Variants in TSPAN6 observed in about 807,000 individuals in gnomAD.
TSPAN6 encodes tetraspanin 6.
TSPAN6 carries 13 observed loss-of-function variants against 18.0 expected under a neutral mutation model. That is an observed-to-expected ratio of 0.72 (90% confidence interval 0.47 to 1.15). The LOEUF (loss-of-function observed/expected upper bound fraction) is 1.15. Ranked by LOEUF, TSPAN6 falls within the 50% of genes most tolerant of loss-of-function variation. TSPAN6 has a pLI of 0.00. For synonymous variants in TSPAN6, 82 were observed against 67.0 expected, an observed-to-expected ratio of 1.22 and a Z score of -1.09; for missense variants, 186 against 183.9, an observed-to-expected ratio of 1.01 and a Z score of -0.07.
At chrX:100,631,134 C>T in intron 6 of TSPAN6, among the ~76,000 whole-genome samples, 1 of 111,862 alleles carries the variant, frequency 8.9e-6, no homozygotes, top group Non-Finnish European at 1.9e-5. Flanking sequence ...TTTGAAGAAA[C>T]TTTTCTTACT....
chrX:100,634,275 T>C, intron 3 of TSPAN6, among the ~76,000 whole-genome samples: 1 of 111,384 alleles, frequency 9.0e-6, no homozygotes, highest in Middle Eastern at 4.6e-3. Context: ...AATATGTATT[T>C]ATCTGAGTGG....
At chrX:100,633,823 G>A (rs902518572) in intron 4 of TSPAN6, 108 bp downstream of exon 4, 8 of 571,356 alleles carry the variant, frequency 1.4e-5, no homozygotes, top group African/African-American at 4.8e-5. Context: ...AATGAAACAC[G>A]TCACACTTCT....
chrX:100,632,142 C>A (rs1018271420), intron 6 of TSPAN6: 3 of 185,427 alleles, frequency 1.6e-5, no homozygotes, highest in Non-Finnish European at 3.0e-5. Context: ...CAGTGGCTCA[C>A]GCCTGTAATC....
chrX:100,628,145 C>A lies in TSPAN6; in HGVS notation c.*1881G>T, dbSNP rs2083036756. On this transcript the variant is annotated 3_prime_UTR_variant, in exon 8 of 8. Coordinates refer to ENST00000373020, the MANE Select transcript of TSPAN6 (RefSeq NM_003270.4). Reference sequence around the variant, plus strand: ...ACTTTTTTAAAAACTCTAAATATAACCTTAAAACATTCTTCAAAACCACTG... The same window carrying A: ...ACTTTTTTAAAAACTCTAAATATAAACTTAAAACATTCTTCAAAACCACTG... The A allele has an allele frequency of 9.0e-6, 1 of 111,629 alleles. No homozygotes were observed. The highest frequency in any genetic ancestry group is 3.3e-5 in the African/African-American group (1 of 30,687). 9.2% of individuals were successfully genotyped at this position (111,629 alleles called of 1,213,427 possible). A position where few individuals can be genotyped will look rare whatever the true frequency, so the allele number is the denominator to read the frequency against.
intron 3 of TSPAN6, among the ~76,000 whole-genome samples, chrX:100,634,531 G>A (rs2083081342): frequency 9.1e-6 from 1 of 109,649 alleles, no homozygotes; most frequent in African/African-American, 3.3e-5. Context: ...TCGCTCTGCT[G>A]CCCAGGCTGC....
rs2083043798 is a variant in TSPAN6, at chrX:100,629,332, T to C, written c.*694A>G. 8.9e-6 allele frequency: 1 copy of C among 112,068 alleles called. No individual in the cohort carries two copies. Among genetic ancestry groups the C allele is most frequent in the Admixed American group, 9.5e-5 (1 of 10,573 alleles). The allele number at this position is 112,068 out of a possible 1,213,427, so 9.2% of individuals were successfully genotyped here. A position where few individuals can be genotyped will look rare whatever the true frequency, so the allele number is the denominator to read the frequency against. ...TGTATCACAGAACATCAGTAGTCCCTTCCAGTCGTGGATGCCTTAGACCCA... is the reference window on the plus strand; with the variant it reads ...TGTATCACAGAACATCAGTAGTCCCCTCCAGTCGTGGATGCCTTAGACCCA... On this transcript the variant is annotated 3_prime_UTR_variant, in exon 8 of 8. Coordinates refer to ENST00000373020, the MANE Select transcript of TSPAN6 (RefSeq NM_003270.4).
intron 6 of TSPAN6, among the ~76,000 whole-genome samples, chrX:100,631,339 A>C (rs778465660): frequency 1.2e-4 from 13 of 112,693 alleles, no homozygotes; most frequent in African/African-American, 4.2e-4. Flanking sequence ...AATCTCCAGC[A>C]AACTGAGGTT....
At chrX:100,635,336 G>A (rs2083087087) in intron 2 of TSPAN6, 84 bp from the exon 3 acceptor site, 4 of 761,183 alleles carry the variant, frequency 5.3e-6, no homozygotes, top group South Asian at 2.6e-5. Flanking sequence ...AATAATGGTC[G>A]TCTTCTCAAT....
At chrX:100,631,087 TC>T (rs766607336) in intron 6 of TSPAN6, among the ~76,000 whole-genome samples, 12 of 111,824 alleles carry the variant, frequency 1.1e-4, no homozygotes, top group Non-Finnish European at 2.3e-4. Context: ...CAAAGGAAAA[TC>T]CAGCAAACTC....
intron 4 of TSPAN6, 140 bp from the exon 5 acceptor site, chrX:100,633,679 G>A: frequency 1.5e-6 from 1 of 671,104 alleles, no homozygotes; most frequent in South Asian, 3.0e-5. Context: ...TTCAAGAGAT[G>A]AGCACTGGGT....
intron 1 of TSPAN6, chrX:100,636,058 A>AG: frequency 1.6e-6 from 1 of 611,317 alleles, no homozygotes. Flanking sequence ...GGGGAAAAAA[A>AG]AAACGTGATT....
Position 100,635,746 on chromosome X carries a change from T to A in TSPAN6, c.88A>T (p.Ile30Phe). The change falls in exon 2 of 8, where the codon ATC (isoleucine) becomes TTC (phenylalanine). Residue 30 changes from isoleucine to phenylalanine, a missense_variant and splice_region_variant. Coordinates refer to ENST00000373020, the MANE Select transcript of TSPAN6 (RefSeq NM_003270.4). The part of the protein sequence containing the change: ...VLLIYTFIFW[I>F]TGVILLAVGI... ...ACTGCAAGAAGGATAACGCCAGTGA[T>A]CTATGTGGGAATTCAGAGAATACAA... 8.6e-7 allele frequency: 1 copy of A among 1,162,378 alleles called. No individual in the cohort carries two copies. Among genetic ancestry groups the A allele is most frequent in the Non-Finnish European group, 1.2e-6 (1 of 867,151 alleles).
chrX:100,629,042 T>C lies in TSPAN6; in HGVS notation c.*984A>G, dbSNP rs1339674411. 8.9e-6 allele frequency: 1 copy of C among 112,020 alleles called. No individual in the cohort carries two copies. Among genetic ancestry groups the C allele is most frequent in the Non-Finnish European group, 1.9e-5 (1 of 53,259 alleles). 9.2% of individuals were successfully genotyped at this position (112,020 alleles called of 1,213,427 possible). ...ACACGATCTTTTTAGAGGAAAGCAG[T>C]ATTTATTGTATAAGAGTTATACTTA... On this transcript the variant is annotated 3_prime_UTR_variant, in exon 8 of 8. Coordinates refer to ENST00000373020, the MANE Select transcript of TSPAN6 (RefSeq NM_003270.4).
rs111679688 is a variant in TSPAN6, at chrX:100,629,798, T to C, written c.*228A>G. On this transcript the variant is annotated 3_prime_UTR_variant, in exon 8 of 8. Coordinates refer to ENST00000373020, the MANE Select transcript of TSPAN6 (RefSeq NM_003270.4). ...AGGTGGACTTAGAACATAGCAAACA[T>C]ACATCTTGATTGAATCAGCCCACTG... 1 of 127,034 alleles carries C rather than the reference T, an allele frequency of 7.9e-6. No homozygotes were observed. Among genetic ancestry groups the C allele is most frequent in the African/African-American group, 3.2e-5 (1 of 31,686 alleles). The allele number at this position is 127,034 out of a possible 1,213,427, so 10.5% of individuals were successfully genotyped here.
At chrX:100,636,824 C>G (rs1452479247), upstream of TSPAN6, 4 of 740,225 alleles carry the variant, frequency 5.4e-6, no homozygotes, top group Non-Finnish European at 7.4e-6. Flanking sequence ...GCCGGAAACA[C>G]TGTACAATTT....
chrX:100,629,864 T>C lies in TSPAN6; in HGVS notation c.*162A>G, dbSNP rs1393550355. The C allele has an allele frequency of 5.7e-6, 2 of 349,968 alleles. No homozygotes were observed. Among genetic ancestry groups the C allele is most frequent in the African/African-American group, 5.6e-5 (2 of 35,512 alleles). 28.8% of individuals were successfully genotyped at this position (349,968 alleles called of 1,213,427 possible). On this transcript the variant is annotated 3_prime_UTR_variant, in exon 8 of 8. Transcript: ENST00000373020. ...ATTGAATCAGCCTATTGGTGTAGTT[T>C]TAGGTCTACATACATCTTGATTGAA... is the stretch of plus-strand genomic sequence containing the variant.
rs1479163058 is a variant in TSPAN6, at chrX:100,627,215, G to A, written c.*2811C>T. ...AATCTAACAAGCTTTTCACACTTAA[G>A]ATATACCTAGAGATTTCTGCTTCTC... On this transcript the variant is annotated 3_prime_UTR_variant, in exon 8 of 8. Coordinates refer to ENST00000373020, the MANE Select transcript of TSPAN6 (RefSeq NM_003270.4). 1 of 112,054 alleles carries A rather than the reference G, an allele frequency of 8.9e-6. No homozygotes were observed. Among genetic ancestry groups the A allele is most frequent in the Non-Finnish European group, 1.9e-5 (1 of 53,251 alleles). The allele number at this position is 112,054 out of a possible 1,213,427, so 9.2% of individuals were successfully genotyped here. A position where few individuals can be genotyped will look rare whatever the true frequency, so the allele number is the denominator to read the frequency against.
rs2147623484 is a variant in TSPAN6 at position 100,629,264 on chromosome X, C to G, written c.*762G>C. On this transcript the variant is annotated 3_prime_UTR_variant, in exon 8 of 8. Coordinates refer to ENST00000373020, the MANE Select transcript of TSPAN6 (RefSeq NM_003270.4). Reference sequence around the variant, plus strand: ...AGTATGAACATCATAATAAATGCCTCAATTTGGAGGCAAAGAAATGTAAGT... The same window carrying G: ...AGTATGAACATCATAATAAATGCCTGAATTTGGAGGCAAAGAAATGTAAGT... The G allele has an allele frequency of 8.9e-6, 1 of 111,795 alleles. No individual in the cohort carries two copies. Among genetic ancestry groups the G allele is most frequent in the Admixed American group, 9.5e-5 (1 of 10,571 alleles). The allele number at this position is 111,795 out of a possible 1,213,427, so 9.2% of individuals were successfully genotyped here. A position where few individuals can be genotyped will look rare whatever the true frequency, so the allele number is the denominator to read the frequency against.
intron 6 of TSPAN6, 90 bp downstream of exon 6, chrX:100,632,395 G>A: frequency 3.0e-6 from 2 of 671,902 alleles, no homozygotes; most frequent in Non-Finnish European, 4.6e-6. Flanking sequence ...AACCGAGCAA[G>A]ACTCCATCTC....
Sources: gnomAD v4.1 joint callset for allele counts (sites outside exome capture counted in the v4.1 genomes callset) on GRCh38, gnomAD v4.1.1 for gene constraint, MANE v1.5 for transcripts, NCBI Gene and HGNC (gene_info 2026-07-23, HGNC 2026-07-21) for gene names.